The following CPLANE1 variants were observed in gnomAD, a reference collection of about 807,000 sequenced individuals.
CPLANE1 encodes the protein ciliogenesis and planar polarity effector complex subunit 1, also known as ciliogenesis and planar polarity effector 1.
CPLANE1 carries 263 observed loss-of-function variants against 362.5 expected under a neutral mutation model. The ratio of observed to expected loss-of-function variants is 0.73; its 90% confidence interval spans 0.66 to 0.80. The LOEUF (loss-of-function observed/expected upper bound fraction) is 0.80, where lower values mean the gene tolerates loss of function less well. Among genes scored for constraint, CPLANE1 ranks in the 30% least tolerant of loss-of-function variants. The pLI is 0.00. For missense variants in CPLANE1, 3,461 were observed against 3,793.4 expected (o/e 0.91, Z 2.30); for synonymous variants, 1,212 against 1,302.6 (o/e 0.93, Z 1.50).
At position 37,177,623 on chromosome 5, in the gene CPLANE1, T is replaced by G. The variant is rs1342538441; in HGVS notation, c.5898A>C (p.Lys1966Asn). 6.2e-7 allele frequency: 1 copy of G among 1,611,668 alleles called. No homozygotes were observed. Among genetic ancestry groups the G allele is most frequent in the East Asian group, 2.2e-5 (1 of 44,810 alleles). Residue 1966 changes from lysine (K) to asparagine (N), a missense_variant and splice_region_variant, in exon 30 of 53, where the codon AAA (lysine) becomes AAC (asparagine). Lys to Asn is a moderately conservative substitution (Grantham distance 94). Coordinates refer to ENST00000651892, the MANE Select transcript of CPLANE1 (RefSeq NM_001384732.1). ...TIMEEKSTEQ[K>N]GMIEAFSHPG... The stretch of plus-strand genomic sequence containing the variant: ...TGTCATACTTTTTTCCCCCTTACCC[T>G]TTTTGTTCAGTCGATTTTTCCTCCA...
At chr5:37,176,632 A>G (rs1781229750) in intron 30 of CPLANE1, among the ~76,000 whole-genome samples, 1 of 152,192 alleles carries the variant, frequency 6.6e-6, no homozygotes, top group Admixed American at 6.5e-5. Context: ...CGAAGGAATC[A>G]TTTTTATGAA....
chr5:37,093,688 T>G, the CPLANE1 span, among the ~76,000 whole-genome samples: 1 of 152,154 alleles, frequency 6.6e-6, no homozygotes, highest in Non-Finnish European at 1.5e-5. Context: ...TCACTGCCAC[T>G]CCTGACAAAC....
downstream of CPLANE1, among the ~76,000 whole-genome samples, chr5:37,102,160 A>T (rs1169454014): frequency 5.3e-5 from 8 of 150,838 alleles, no homozygotes; most frequent in African/African-American, 1.7e-4. Flanking sequence ...TTGGTTCTCT[A>T]GTTTTTTGCT....
Position 37,230,171 on chromosome 5 carries a change from G to A in CPLANE1, c.1121+696C>T, listed in dbSNP as rs371378774. On this transcript the variant is annotated intron_variant, in intron 9 of 52. Transcript: ENST00000651892. ...GCCTGGGCAACAAGAGCGAAACTCC[G>A]TCTCAAGAAAAAAAAAATAAATAAA... 6.5e-4 allele frequency among the ~76,000 whole-genome samples: 95 copies of A among 146,468 alleles called. 1 individual carries two copies. In the South Asian group the frequency reaches 0.018, roughly 28 times the overall value.
chr5:37,209,162 C>CT lies in CPLANE1; in HGVS notation c.2921-2738dup, dbSNP rs1404118010. Among the ~76,000 whole-genome samples the CT allele has an allele frequency of 1.3e-5, 2 of 152,216 alleles. No homozygotes were observed. Among genetic ancestry groups the CT allele is most frequent in the Admixed American group, 1.3e-4 (2 of 15,280 alleles). On this transcript the variant is annotated intron_variant, in intron 16 of 52. Coordinates refer to ENST00000651892, the MANE Select transcript of CPLANE1 (RefSeq NM_001384732.1). This position sits in a 1 kb window ranked among gnomAD's most constrained non-coding sequence, Gnocchi z 4.6. Reference sequence around the variant, plus strand: ...TCCTCAGAACCGCGAAGAAAGGAAGCTAGCGTGTTTGTTAGAAAACCTAGT... The same window carrying CT: ...TCCTCAGAACCGCGAAGAAAGGAAGCTTAGCGTGTTTGTTAGAAAACCTAGT...
At chr5:37,179,934 A>T in intron 28 of CPLANE1, 83 bp downstream of exon 28, 1 of 873,266 alleles carries the variant, frequency 1.1e-6, no homozygotes, top group Admixed American at 2.8e-5. Context: ...TAGGTATAAG[A>T]CTAAATAAGT....
intron 46 of CPLANE1, among the ~76,000 whole-genome samples, chr5:37,126,812 C>G (rs1489688870): frequency 6.6e-6 from 1 of 152,170 alleles, no homozygotes; most frequent in African/African-American, 2.4e-5. Context: ...AATAGCAAAC[C>G]TCCATCTCCA....
chr5:37,161,465 C>T (rs534081180), intron 38 of CPLANE1, among the ~76,000 whole-genome samples: 1 of 152,194 alleles, frequency 6.6e-6, no homozygotes, highest in East Asian at 1.9e-4. Flanking sequence ...ATTCAATATG[C>T]AATAATACTG....
chr5:37,175,230 G>C (rs974580083), intron 31 of CPLANE1, among the ~76,000 whole-genome samples: 1 of 152,178 alleles, frequency 6.6e-6, no homozygotes. Flanking sequence ...GTAGGGGCAG[G>C]TATAGGGGTA....
intron 46 of CPLANE1, chr5:37,138,463 A>C (rs1006445622): frequency 7.0e-6 from 4 of 575,292 alleles, no homozygotes; most frequent in Non-Finnish European, 1.3e-5. Flanking sequence ...ATCATTAATT[A>C]CTTCTAGTAA....
intron 5 of CPLANE1, among the ~76,000 whole-genome samples, chr5:37,243,696 CAT>C (rs1311850418): frequency 5.5e-5 from 8 of 144,870 alleles, no homozygotes; most frequent in African/African-American, 1.8e-4. Context: ...TAATATATAA[CAT>C]ATAAAAATAT....
At chr5:37,108,020 C>G (rs372980235) in intron 52 of CPLANE1, among the ~76,000 whole-genome samples, 2 of 152,104 alleles carry the variant, frequency 1.3e-5, no homozygotes, top group African/African-American at 2.4e-5. Flanking sequence ...CAGGGCAGAA[C>G]GGATGTTGAT....
chr5:37,085,051 C>A, the CPLANE1 span: 1 of 677,632 alleles, frequency 1.5e-6, no homozygotes, highest in Admixed American at 2.1e-5. Context: ...TTGCCTAATG[C>A]AGCCATGGCT....
chr5:37,244,477 T>A lies in CPLANE1; in HGVS notation c.468A>T (p.Ser156=). Residue 156 remains serine (S), a synonymous_variant, in exon 5 of 53, where the codon TCA becomes TCT. Coordinates refer to ENST00000651892, the MANE Select transcript of CPLANE1 (RefSeq NM_001384732.1). ...TGACCTGGGACCACCGACCCGCCAA[T>A]GAAAGGCTTTTAGAAGATAAGATAT... ...LKNILSSKSL[S]LAGRWSQVIP... 1 of 1,551,966 alleles carries A rather than the reference T, an allele frequency of 6.4e-7. No homozygotes were observed. Among genetic ancestry groups the A allele is most frequent in the Non-Finnish European group, 8.7e-7 (1 of 1,147,040 alleles).
intron 7 of CPLANE1, among the ~76,000 whole-genome samples, chr5:37,239,302 T>A (rs1799745695): frequency 6.6e-6 from 1 of 152,098 alleles, no homozygotes; most frequent in African/African-American, 2.4e-5. Context: ...TAAAGCAGGC[T>A]GGGCACAGTG....
At chr5:37,124,307 T>C (rs1047828169) in intron 47 of CPLANE1, among the ~76,000 whole-genome samples, 20 of 152,116 alleles carry the variant, frequency 1.3e-4, no homozygotes, top group Admixed American at 1.3e-4. Flanking sequence ...ATTTTCATAG[T>C]AATGTGACTA....
rs886060580 is a variant in CPLANE1, at chr5:37,224,276, G to C, written c.2558C>G (p.Ala853Gly). 1.7e-5 allele frequency: 26 copies of C among 1,549,034 alleles called. No individual in the cohort carries two copies. The highest frequency in any genetic ancestry group is 2.2e-5 in the Non-Finnish European group (25 of 1,145,848). ...ACCTTTCTCTTCGATTTCTTGTAGA[G>C]CTTTTTTCCACAGCTGAACAGACTT... The part of the protein sequence containing the change: ...YEKSVQLWKK[A>G]LQEIEEKGGR... The change falls in exon 14 of 53, where the codon GCT becomes GGT. Residue 853 changes from alanine to glycine, a missense_variant. Ala to Gly is a moderately conservative substitution (Grantham distance 60). Coordinates refer to ENST00000651892, the MANE Select transcript of CPLANE1 (RefSeq NM_001384732.1).
rs61112118 is a variant in CPLANE1, at chr5:37,187,060, CAAAAAAAA to C, written c.4080+346_4080+353del. Among the ~76,000 whole-genome samples, 26 of 50,404 alleles carry C rather than the reference CAAAAAAAA, an allele frequency of 5.2e-4. 2 individuals are homozygous for C. Among genetic ancestry groups the C allele is most frequent in the African/African-American group, 1.9e-3 (21 of 11,002 alleles). The allele number at this position is 50,404 out of a possible 152,430, so 33.1% of individuals were successfully genotyped here. On this transcript the variant is annotated intron_variant, in intron 23 of 52. Coordinates refer to ENST00000651892, the MANE Select transcript of CPLANE1 (RefSeq NM_001384732.1). ...TGGGTGACAGAGCGAGACTCCGTCT[CAAAAAAAA>C]AAAAAAAAAAAAAAAAAAACTATAG...
At chr5:37,129,305 G>A (rs1311549415) in intron 46 of CPLANE1, among the ~76,000 whole-genome samples, 1 of 152,110 alleles carries the variant, frequency 6.6e-6, no homozygotes, top group African/African-American at 2.4e-5. Context: ...AAAAATTCTA[G>A]AAGATAACAT....
Sources: gnomAD v4.1 joint callset for allele counts (sites outside exome capture counted in the v4.1 genomes callset) on GRCh38, gnomAD v4.1.1 for gene constraint, Gnocchi (gnomAD v3.1) non-coding constraint, MANE v1.5 for transcripts, NCBI Gene and HGNC (gene_info 2026-07-23, HGNC 2026-07-21) for gene names.